The following TMEM68 variants were observed in gnomAD, a reference collection of about 807,000 sequenced individuals.
TMEM68 encodes transmembrane protein 68, also known as DGAT1/2-independent enzyme synthesizing storage lipids.
Under a neutral mutation model 36.9 loss-of-function variants are expected in TMEM68, and 25 were observed. That is an observed-to-expected ratio of 0.68 (90% CI 0.49 to 0.95). The LOEUF (loss-of-function observed/expected upper bound fraction) is 0.95, where lower values mean the gene tolerates loss of function less well. Ranked by LOEUF, TMEM68 falls within the 40% of genes least tolerant of loss-of-function variation. The pLI, the probability that TMEM68 is intolerant of heterozygous loss-of-function variation, is 0.00. For synonymous variants in TMEM68, 131 were observed against 124.4 expected (o/e 1.05, Z -0.35); for missense variants, 333 against 392.0 (o/e 0.85, Z 1.27).
In TMEM68 at chr8:55,762,852, G is replaced by A. The variant is rs1310871869; in HGVS notation, c.108C>T (p.Asp36=). ...AGAGATAGTTTGCAAAATTCAAATA[G>A]TCCTCCAACTGCTCCACACCAAACC... ...EEWFGVEQLE[D]YLNFANYLLW... Residue 36 remains aspartate, a synonymous_variant, in exon 3 of 8, where the codon GAC becomes GAT. Transcript: ENST00000434581. 3 of 1,614,142 alleles carry A rather than the reference G, an allele frequency of 1.9e-6. No individual in the cohort carries two copies. Among genetic ancestry groups the A allele is most frequent in the Non-Finnish European group, 2.5e-6 (3 of 1,180,020 alleles).
intron 4 of TMEM68, among the ~76,000 whole-genome samples, chr8:55,751,942 C>T (rs1389779873): frequency 6.6e-6 from 1 of 152,218 alleles, no homozygotes; most frequent in Non-Finnish European, 1.5e-5. Context: ...GGCACGGTGG[C>T]TCACGCCTGT....
intron 5 of TMEM68, among the ~76,000 whole-genome samples, chr8:55,748,602 T>C (rs1403544996): frequency 6.6e-6 from 1 of 151,884 alleles, no homozygotes; most frequent in African/African-American, 2.4e-5. Context: ...AGAGAGAATA[T>C]ATATGTATAA....
intron 1 of TMEM68, among the ~76,000 whole-genome samples, chr8:55,770,917 AAGCAGC>A (rs993864204): frequency 2.6e-5 from 4 of 152,308 alleles, no homozygotes; most frequent in African/African-American, 9.6e-5. Flanking sequence ...GCACTTTGCG[AAGCAGC>A]GGCAGGAGGA....
At chr8:55,740,365 A>G (rs1563424371) in intron 7 of TMEM68, 147 bp from the exon 8 acceptor site, 1 of 596,054 alleles carries the variant, frequency 1.7e-6, no homozygotes. Context: ...GGGTTTCACT[A>G]TGTTTCCCAG....
In TMEM68 at chr8:55,740,233, A is replaced by G; in HGVS notation, c.889-15T>C. ...GCATTCTTCGTCTATTAAGAAAACAAAAGAAAAGCTATTGTTAGTAGATCT... is the reference window on the plus strand; with the variant it reads ...GCATTCTTCGTCTATTAAGAAAACAGAAGAAAAGCTATTGTTAGTAGATCT... On this transcript the variant is annotated splice_polypyrimidine_tract_variant and intron_variant, in intron 7 of 7. Transcript: ENST00000434581. 1 of 1,599,468 alleles carries G rather than the reference A, an allele frequency of 6.3e-7. No homozygotes were observed. The highest frequency in any genetic ancestry group is 8.6e-7 in the Non-Finnish European group (1 of 1,169,072).
rs1810230101 is a variant in TMEM68 at position 55,745,060 on chromosome 8, C to T, written c.748+1G>A. On this transcript the variant is annotated splice_donor_variant, in intron 6 of 7. Transcript: ENST00000434581. LOFTEE classifies it high-confidence loss of function. ...TTAAAACCATACAAATCAGAACTTA[C>T]TTGTTCCTCCAAGTGATCTAAATCC... The T allele has an allele frequency of 6.7e-7, 1 of 1,492,564 alleles. No homozygotes were observed. Among genetic ancestry groups the T allele is most frequent in the Non-Finnish European group, 8.9e-7 (1 of 1,125,314 alleles). The allele number at this position is 1,492,564 out of a possible 1,614,324, so 92.5% of individuals were successfully genotyped here.
intron 4 of TMEM68, chr8:55,751,550 T>TA (rs1482189971): frequency 6.8e-6 from 3 of 441,480 alleles, no homozygotes; most frequent in Non-Finnish European, 1.3e-5. Flanking sequence ...ATTAACCCTA[T>TA]AAAAAAGAGA....
At chr8:55,745,296 T>A (rs572958526) in intron 5 of TMEM68, 175 bp from the exon 6 acceptor site, 1 of 372,956 alleles carries the variant, frequency 2.7e-6, no homozygotes, top group South Asian at 7.4e-5. Context: ...GGGTCGGGTC[T>A]CGTTAGTATT....
chr8:55,743,374 C>A, intron 7 of TMEM68, 107 bp downstream of exon 7: 1 of 1,350,824 alleles, frequency 7.4e-7, no homozygotes, highest in Non-Finnish European at 9.8e-7. Context: ...TTGAGAACCA[C>A]TGACCTAGAC....
chr8:55,751,362 C>A, intron 4 of TMEM68: 1 of 523,620 alleles, frequency 1.9e-6, no homozygotes, highest in Non-Finnish European at 3.3e-6. Context: ...AAACTCACAA[C>A]AATCTTGACA....
At chr8:55,767,186 G>A (rs1023812345) in intron 1 of TMEM68, among the ~76,000 whole-genome samples, 1 of 150,416 alleles carries the variant, frequency 6.6e-6, no homozygotes, top group Non-Finnish European at 1.5e-5. Context: ...TAAGACTATC[G>A]TGAAGATTAC....
chr8:55,764,799 G>A (rs549359645), intron 1 of TMEM68, among the ~76,000 whole-genome samples: 38 of 152,262 alleles, frequency 2.5e-4, no homozygotes, highest in African/African-American at 7.2e-4. Flanking sequence ...CCAGCTGGGC[G>A]CAGTGGCTCA....
At chr8:55,751,995 G>A (rs756381576) in intron 4 of TMEM68, among the ~76,000 whole-genome samples, 67 of 152,086 alleles carry the variant, frequency 4.4e-4, no homozygotes, top group Non-Finnish European at 7.8e-4. Context: ...GATCACTTGC[G>A]GTCAGGAGTT....
intron 6 of TMEM68, 149 bp from the exon 7 acceptor site, chr8:55,743,769 C>A (rs2129908665): frequency 1.5e-6 from 1 of 656,232 alleles, no homozygotes; most frequent in Non-Finnish European, 2.4e-6. Context: ...AAAAGAAGAG[C>A]TTTTCATCAA....
intron 1 of TMEM68, among the ~76,000 whole-genome samples, chr8:55,769,371 T>G (rs1053856240): frequency 2.0e-5 from 3 of 148,210 alleles, no homozygotes; most frequent in Non-Finnish European, 4.5e-5. Context: ...ATGTTCAATG[T>G]CAACGATAAT....
chr8:55,762,177 G>C (rs1223628451), intron 3 of TMEM68: 1 of 154,022 alleles, frequency 6.5e-6, no homozygotes, highest in Non-Finnish European at 1.4e-5. Flanking sequence ...ACCAACCTCA[G>C]GAATGAATCA....
At chr8:55,741,396 G>C (rs1195903484) in intron 7 of TMEM68, among the ~76,000 whole-genome samples, 7 of 152,150 alleles carry the variant, frequency 4.6e-5, no homozygotes, top group African/African-American at 1.7e-4. Context: ...TGTGTATTAA[G>C]TGTATCTCTA....
At chr8:55,750,734 T>C (rs1267851716) in intron 5 of TMEM68, among the ~76,000 whole-genome samples, 1 of 151,960 alleles carries the variant, frequency 6.6e-6, no homozygotes, top group African/African-American at 2.4e-5. Context: ...CAGATGGGGT[T>C]TCATCATGTT....
In TMEM68 at chr8:55,745,346, A is replaced by T. The variant is rs558383325; in HGVS notation, c.688-225T>A. Reference sequence around the variant, plus strand: ...AGAAAAGGGGTACAAATTCATTAGCATGGGGGCGTGAGGGGATCACAAAGT... The same window carrying T: ...AGAAAAGGGGTACAAATTCATTAGCTTGGGGGCGTGAGGGGATCACAAAGT... On this transcript the variant is annotated intron_variant, in intron 5 of 7. Coordinates refer to ENST00000434581, the MANE Select transcript of TMEM68 (RefSeq NM_001286657.2). The T allele has an allele frequency of 1.1e-5, 3 of 281,516 alleles. No homozygotes were observed. In the East Asian group the frequency reaches 1.8e-4, roughly 17 times the overall value. The allele number at this position is 281,516 out of a possible 1,614,324, so 17.4% of individuals were successfully genotyped here.
Sources: allele counts gnomAD v4.1 joint callset (sites outside exome capture counted in the v4.1 genomes callset), GRCh38; gene constraint gnomAD v4.1.1; transcripts MANE v1.5; gene names NCBI Gene and HGNC (gene_info 2026-07-23, HGNC 2026-07-21).